The following FHIT variants were observed in gnomAD, a reference collection of about 807,000 sequenced individuals.
FHIT encodes the protein fragile histidine triad diadenosine triphosphatase.
Under a neutral mutation model 17.9 loss-of-function variants are expected in FHIT, and 19 were observed. The ratio of observed to expected loss-of-function variants is 1.06; its 90% confidence interval spans 0.74 to 1.56. FHIT has a LOEUF of 1.56. Ranked by LOEUF, FHIT falls within the 40% of genes most tolerant of loss-of-function variation. The pLI is 0.00. For synonymous variants in FHIT, 81 were observed against 69.7 expected, an observed-to-expected ratio of 1.16 and a Z score of -0.81; for missense variants, 248 against 189.2, an observed-to-expected ratio of 1.31 and a Z score of -1.82.
chr3:59,922,764 G>T (rs1705470631), intron 7 of FHIT, among the ~76,000 whole-genome samples: 1 of 152,172 alleles, frequency 6.6e-6, no homozygotes, highest in African/African-American at 2.4e-5. Flanking sequence ...AAACTGACAA[G>T]AAATAAGAAT....
intron 4 of FHIT, among the ~76,000 whole-genome samples, chr3:60,600,409 G>A (rs1423815823): frequency 6.6e-6 from 1 of 151,938 alleles, no homozygotes; most frequent in Non-Finnish European, 1.5e-5. Context: ...GTAGAGTAAG[G>A]CAGGATTACA....
chr3:60,967,415 C>G (rs767627235), intron 3 of FHIT, among the ~76,000 whole-genome samples: 1 of 152,100 alleles, frequency 6.6e-6, no homozygotes, highest in Non-Finnish European at 1.5e-5. Context: ...TCAAATTTGA[C>G]AGGAAGGATT....
rs1575568363 is a variant in FHIT at position 59,835,882 on chromosome 3, A to C, written c.349-83561T>G. Among the ~76,000 whole-genome samples the C allele has an allele frequency of 3.9e-5, 6 of 152,314 alleles. 1 individual carries two copies. The South Asian group carries it at 1.2e-3, about 32-fold the overall frequency. Reference sequence around the variant, plus strand: ...TTTTGGCCAAGCGGTACATTACTAAAGAAATAGGGAGGAGAAAAGGGGGAG... The same window carrying C: ...TTTTGGCCAAGCGGTACATTACTAACGAAATAGGGAGGAGAAAAGGGGGAG... On this transcript the variant is annotated intron_variant, in intron 8 of 9. Transcript: ENST00000492590.
chr3:60,405,084 A>C (rs1304552751), intron 5 of FHIT, among the ~76,000 whole-genome samples: 2 of 152,170 alleles, frequency 1.3e-5, no homozygotes, highest in Non-Finnish European at 1.5e-5. Context: ...GCCTAGGAAG[A>C]TGGGATAGGG....
At chr3:59,970,307 T>C (rs1708116987) in intron 7 of FHIT, among the ~76,000 whole-genome samples, 2 of 152,140 alleles carry the variant, frequency 1.3e-5, no homozygotes, top group African/African-American at 4.8e-5. Context: ...TTTTCTTCCC[T>C]TGAAGACAAA....
intron 5 of FHIT, among the ~76,000 whole-genome samples, chr3:60,166,749 G>C (rs1420303526): frequency 6.6e-6 from 1 of 152,054 alleles, no homozygotes; most frequent in Non-Finnish European, 1.5e-5. Flanking sequence ...TAAAAGCAAA[G>C]CATATTTTTG....
At chr3:60,650,459 T>C (rs2107805890) in intron 4 of FHIT, among the ~76,000 whole-genome samples, 1 of 152,286 alleles carries the variant, frequency 6.6e-6, no homozygotes, top group Middle Eastern at 3.4e-3. Context: ...GTTTATCACT[T>C]CAGCTCTAAT....
At chr3:60,037,740 G>C (rs1212333065) in intron 5 of FHIT, among the ~76,000 whole-genome samples, 1 of 149,630 alleles carries the variant, frequency 6.7e-6, no homozygotes, top group Non-Finnish European at 1.5e-5. Flanking sequence ...TTGAGATGGA[G>C]TCTTGCTCTG....
At chr3:60,062,477 C>T (rs564312277) in intron 5 of FHIT, among the ~76,000 whole-genome samples, 8 of 152,300 alleles carry the variant, frequency 5.3e-5, no homozygotes, top group Admixed American at 6.5e-5. Flanking sequence ...AGAATTATCT[C>T]CTCTAGTGAA....
chr3:60,158,195 C>G (rs1459647063), intron 5 of FHIT, among the ~76,000 whole-genome samples: 1 of 152,126 alleles, frequency 6.6e-6, no homozygotes, highest in Non-Finnish European at 1.5e-5. Context: ...TAACCTGGCA[C>G]TCATAGCCAG....
chr3:60,495,449 G>A (rs2034261584), intron 5 of FHIT, among the ~76,000 whole-genome samples: 1 of 151,702 alleles, frequency 6.6e-6, no homozygotes, highest in African/African-American at 2.4e-5. Flanking sequence ...TATTGTTTAT[G>A]AGGTAAACAA....
rs377408043 is a variant in FHIT at position 59,995,202 on chromosome 3, G to GA, written c.279+16168dup. ...AAAGAAAATCTGATGTAGGCATTTA[G>GA]AAAAAAAAAACAACAGAACAAAACC... is the stretch of plus-strand genomic sequence containing the variant. On this transcript the variant is annotated intron_variant, in intron 7 of 9. Transcript: ENST00000492590. Among the ~76,000 whole-genome samples, 179 of 146,726 alleles carry GA rather than the reference G, an allele frequency of 1.2e-3. No homozygotes were observed. In the Middle Eastern group the frequency reaches 0.014, roughly 12 times the overall value.
At chr3:60,376,999 T>A (rs1327038009) in intron 5 of FHIT, among the ~76,000 whole-genome samples, 1 of 152,164 alleles carries the variant, frequency 6.6e-6, no homozygotes, top group Non-Finnish European at 1.5e-5. Flanking sequence ...TCTCCATATG[T>A]AATGTTTATC....
intron 8 of FHIT, among the ~76,000 whole-genome samples, chr3:59,855,051 T>G (rs886991016): frequency 4.6e-5 from 7 of 152,210 alleles, no homozygotes; most frequent in African/African-American, 1.7e-4. Flanking sequence ...AGCAGTTTGA[T>G]TCAATACTAA....
At chr3:60,077,729 C>CATAT (rs1403752107) in intron 5 of FHIT, among the ~76,000 whole-genome samples, 1 of 67,188 alleles carries the variant, frequency 1.5e-5, no homozygotes, top group African/African-American at 4.9e-5. Context: ...CACACACACA[C>CATAT]ATATATAGAG....
At chr3:60,978,202 AG>A (rs1163924334) in intron 3 of FHIT, among the ~76,000 whole-genome samples, 1 of 152,226 alleles carries the variant, frequency 6.6e-6, no homozygotes, top group East Asian at 1.9e-4. Context: ...AGTAGACAGA[AG>A]CAGCTTTGGG....
intron 5 of FHIT, among the ~76,000 whole-genome samples, chr3:60,372,149 A>T (rs1202690292): frequency 6.6e-6 from 1 of 152,132 alleles, no homozygotes; most frequent in Non-Finnish European, 1.5e-5. Flanking sequence ...GTTGGAAGAG[A>T]TGTCAGTTCT....
At chr3:61,096,760 ATCT>A (rs2035651667) in intron 2 of FHIT, among the ~76,000 whole-genome samples, 1 of 152,166 alleles carries the variant, frequency 6.6e-6, no homozygotes, top group East Asian at 1.9e-4. Context: ...GCCAGATGCC[ATCT>A]TTTTCTAAAT....
chr3:60,461,958 A>C (rs2032500648), intron 5 of FHIT, among the ~76,000 whole-genome samples: 1 of 152,196 alleles, frequency 6.6e-6, no homozygotes, highest in South Asian at 2.1e-4. Flanking sequence ...AGAGCGTTAC[A>C]TGAATCTGTA....
Sources: allele counts gnomAD v4.1 joint callset (sites outside exome capture counted in the v4.1 genomes callset), GRCh38; gene constraint gnomAD v4.1.1; transcripts MANE v1.5; gene names NCBI Gene and HGNC (gene_info 2026-07-23, HGNC 2026-07-21).